Variants in CDKL4 observed in about 807,000 individuals in gnomAD.
The protein encoded by CDKL4 is cyclin-dependent kinase-like 4.
CDKL4 carries 44 observed loss-of-function variants against 42.0 expected under a neutral mutation model. The ratio of observed to expected loss-of-function variants is 1.05; its 90% CI spans 0.82 to 1.35. The LOEUF (loss-of-function observed/expected upper bound fraction) is 1.35, where lower values mean the gene tolerates loss of function less well. Ranked by LOEUF, CDKL4 falls within the 40% of genes most tolerant of loss-of-function variation. CDKL4 has a pLI of 0.00. For missense variants in CDKL4, 393 were observed against 369.9 expected, an observed-to-expected ratio of 1.06 and a Z score of -0.51; for synonymous variants, 120 against 121.6, an observed-to-expected ratio of 0.99 and a Z score of 0.09.
chr2:39,195,875 G>A (rs553667121), intron 5 of CDKL4, among the ~76,000 whole-genome samples: 3 of 152,206 alleles, frequency 2.0e-5, no homozygotes, highest in Non-Finnish European at 4.4e-5. Flanking sequence ...ATAGGAGGCA[G>A]GACTAACTTG....
exon 6 of CDKL4, chr2:39,190,415 G>A: frequency 6.2e-7 from 1 of 1,614,004 alleles, no homozygotes; most frequent in South Asian, 1.1e-5. Flanking sequence ...TATATCGACT[G>A]AAGAACCATA....
intron 8 of CDKL4, among the ~76,000 whole-genome samples, chr2:39,184,166 T>C (rs1246936317): frequency 1.3e-5 from 2 of 152,260 alleles, no homozygotes; most frequent in African/African-American, 4.8e-5. Flanking sequence ...CAAAGGTAGA[T>C]ACCCTCTCTG....
At chr2:39,186,940 C>A (rs1016320672) in intron 7 of CDKL4, among the ~76,000 whole-genome samples, 1 of 152,032 alleles carries the variant, frequency 6.6e-6, no homozygotes, top group Non-Finnish European at 1.5e-5. Context: ...AAGCATTTTT[C>A]CTGGCTCATT....
At chr2:39,230,078 A>C (rs189753378) in intron 1 of CDKL4, among the ~76,000 whole-genome samples, 75 of 152,378 alleles carry the variant, frequency 4.9e-4, no homozygotes, top group African/African-American at 1.8e-3. Context: ...TGAACAAAGC[A>C]GTCTTTAAAA....
chr2:39,238,597 A>G (rs1406125515), intron 1 of CDKL4, among the ~76,000 whole-genome samples: 1 of 152,244 alleles, frequency 6.6e-6, no homozygotes, highest in Non-Finnish European at 1.5e-5. Flanking sequence ...TTTATATTAA[A>G]AATTTATCTT....
chr2:39,185,408 A>G (rs1373139777), intron 7 of CDKL4, among the ~76,000 whole-genome samples: 3 of 17,712 alleles, frequency 1.7e-4, no homozygotes, highest in Non-Finnish European at 2.7e-4. Context: ...ACATATGTGT[A>G]TATATACATA....
chr2:39,171,628 T>C (rs1041451831), downstream of CDKL4, among the ~76,000 whole-genome samples: 7 of 152,148 alleles, frequency 4.6e-5, no homozygotes, highest in African/African-American at 1.7e-4. Context: ...GTCCTTTATG[T>C]TGGAGCTCTA....
At chr2:39,225,741 G>C (rs1357274797) in intron 3 of CDKL4, 98 bp downstream of exon 3, 1 of 1,220,342 alleles carries the variant, frequency 8.2e-7, no homozygotes, top group East Asian at 2.7e-5. Flanking sequence ...TGGTAGAAAG[G>C]GGAATTGTGG....
chr2:39,197,015 A>G (rs1676558864), intron 5 of CDKL4, among the ~76,000 whole-genome samples: 1 of 152,226 alleles, frequency 6.6e-6, no homozygotes, highest in Admixed American at 6.5e-5. Flanking sequence ...CAGAAGGTCA[A>G]CTATTAAGCC....
chr2:39,185,137 C>T (rs1481243484), intron 7 of CDKL4, among the ~76,000 whole-genome samples: 1 of 133,768 alleles, frequency 7.5e-6, no homozygotes, highest in Non-Finnish European at 1.6e-5. Flanking sequence ...CATATATATA[C>T]ATATATATGT....
chr2:39,176,550 C>G (rs1167514224), intron 9 of CDKL4, among the ~76,000 whole-genome samples: 3 of 152,192 alleles, frequency 2.0e-5, no homozygotes, highest in Non-Finnish European at 4.4e-5. Flanking sequence ...TCTTGTGCCT[C>G]AGCCTCCCAA....
At chr2:39,189,180 A>C (rs1676022299) in intron 6 of CDKL4, among the ~76,000 whole-genome samples, 1 of 152,218 alleles carries the variant, frequency 6.6e-6, no homozygotes, top group South Asian at 2.1e-4. Context: ...CTGCCAGGAG[A>C]GCCTGTGGGA....
At chr2:39,184,749 T>TGTG in intron 7 of CDKL4, 102 bp from the exon 8 acceptor site, 1 of 734,408 alleles carries the variant, frequency 1.4e-6, no homozygotes, top group Non-Finnish European at 2.3e-6. Flanking sequence ...TGTGTGTGTA[T>TGTG]TTAGAGATAC....
intron 3 of CDKL4, among the ~76,000 whole-genome samples, chr2:39,217,763 C>T (rs963071084): frequency 4.6e-5 from 7 of 151,692 alleles, no homozygotes; most frequent in Non-Finnish European, 5.9e-5. Context: ...GATAGAGTTT[C>T]GCTCTTGTTG....
intron 9 of CDKL4, among the ~76,000 whole-genome samples, chr2:39,177,587 T>A (rs1401453474): frequency 2.9e-4 from 41 of 142,580 alleles, no homozygotes; most frequent in Middle Eastern, 4.2e-3. Flanking sequence ...GTATTTTTAG[T>A]AGAGATGGGG....
intron 9 of CDKL4, 115 bp from the exon 10 acceptor site, chr2:39,176,211 G>C (rs1316691414): frequency 6.0e-6 from 2 of 333,748 alleles, no homozygotes; most frequent in Admixed American, 4.5e-5. Context: ...GATGTCAAAA[G>C]ACATCAATTT....
chr2:39,223,664 G>C lies in CDKL4; in HGVS notation c.290+2175C>G, dbSNP rs563024711. ...GTCTCACTCTGTTACCCAGGTTAGA[G>C]TGCAGTGGCATGATCTCTGCTCACT... On this transcript the variant is annotated intron_variant, in intron 3 of 9. Transcript: ENST00000451199. Among the ~76,000 whole-genome samples, 3 of 144,836 alleles carry C rather than the reference G, an allele frequency of 2.1e-5. No homozygotes were observed. In the South Asian group the frequency reaches 6.5e-4, roughly 31 times the overall value.
At chr2:39,169,675 C>G in the CDKL4 span, among the ~76,000 whole-genome samples, 1 of 152,132 alleles carries the variant, frequency 6.6e-6, no homozygotes, top group Non-Finnish European at 1.5e-5. Context: ...CTACAGAAGG[C>G]ACAGAAAAGT....
At chr2:39,188,119 G>A (rs916990729) in intron 6 of CDKL4, among the ~76,000 whole-genome samples, 5 of 152,034 alleles carry the variant, frequency 3.3e-5, no homozygotes, top group African/African-American at 1.2e-4. Context: ...CAGGGTTAAC[G>A]CCTGAAGTGC....
Sources: gnomAD v4.1 joint callset for allele counts (sites outside exome capture counted in the v4.1 genomes callset) on GRCh38, gnomAD v4.1.1 for gene constraint, MANE v1.5 for transcripts, NCBI Gene and HGNC (gene_info 2026-07-23, HGNC 2026-07-21) for gene names.